PTPRN2: variants seen among roughly 807,000 people sequenced by gnomAD.
The protein encoded by PTPRN2 is receptor-type tyrosine-protein phosphatase N2.
PTPRN2 carries 74 observed loss-of-function variants against 118.8 expected under a neutral mutation model. That is an observed-to-expected ratio of 0.62 (90% CI 0.52 to 0.76). PTPRN2 has a LOEUF of 0.76. Among genes scored for constraint, PTPRN2 ranks in the 30% least tolerant of loss-of-function variants. The pLI is 0.00. For missense variants in PTPRN2, 1,481 were observed against 1,394.4 expected (o/e 1.06, Z -0.99); for synonymous variants, 641 against 608.0 (o/e 1.05, Z -0.80).
intron 12 of PTPRN2, among the ~76,000 whole-genome samples, chr7:157,774,541 A>C (rs1348639479): frequency 6.6e-6 from 1 of 152,260 alleles, no homozygotes; most frequent in Non-Finnish European, 1.5e-5. Context: ...CTCTGCACGC[A>C]GTTCATAATC....
chr7:157,879,988 T>G (rs1227433458), intron 12 of PTPRN2, among the ~76,000 whole-genome samples: 1 of 152,240 alleles, frequency 6.6e-6, no homozygotes, highest in Non-Finnish European at 1.5e-5. Context: ...CTAATTTTTA[T>G]GAAAATTTGG....
rs377260127 is a variant in PTPRN2, at chr7:157,833,502, C to T, written c.1788+65171G>A. 5.2e-5 allele frequency among the ~76,000 whole-genome samples: 7 copies of T among 134,722 alleles called. No individual in the cohort carries two copies. In the South Asian group the frequency reaches 1.0e-3, roughly 19 times the overall value. 88.4% of individuals were successfully genotyped at this position (134,722 alleles called of 152,430 possible). On this transcript the variant is annotated intron_variant, in intron 12 of 22. Coordinates refer to ENST00000389418, the MANE Select transcript of PTPRN2 (RefSeq NM_002847.5). ...GTAAACTCGTCCAGGAAGTATGCGA[C>T]GTGGCCGGCGCCCATCCATCCTGTA...
At chr7:158,045,678 T>A in intron 11 of PTPRN2, among the ~76,000 whole-genome samples, 1 of 152,238 alleles carries the variant, frequency 6.6e-6, no homozygotes. Context: ...AGCTAGTCAG[T>A]GAGAGACCCA....
intron 12 of PTPRN2, among the ~76,000 whole-genome samples, chr7:157,769,521 GCCA>G (rs1802675839): frequency 1.3e-5 from 2 of 152,184 alleles, no homozygotes; most frequent in Non-Finnish European, 2.9e-5. Flanking sequence ...TTGGAATTCA[GCCA>G]CCACAACTCC....
chr7:158,587,206 G>C (rs1222230067), intron 1 of PTPRN2, among the ~76,000 whole-genome samples: 1 of 120,542 alleles, frequency 8.3e-6, no homozygotes, highest in South Asian at 2.9e-4. Flanking sequence ...ATTCATTGAG[G>C]CGCCCCTTCC....
At chr7:158,070,022 C>A (rs1811082529) in intron 11 of PTPRN2, among the ~76,000 whole-genome samples, 1 of 152,222 alleles carries the variant, frequency 6.6e-6, no homozygotes, top group Admixed American at 6.5e-5. Flanking sequence ...GTTCTAAACT[C>A]CAAGCTCTTG....
chr7:157,562,838 C>T (rs12538360), intron 21 of PTPRN2, among the ~76,000 whole-genome samples: 3,132 of 132,600 alleles, frequency 0.024, 144 homozygotes, highest in East Asian at 0.11. Context: ...CGTCACCACA[C>T]GCAGCAGATC....
At position 157,663,493 on chromosome 7, in the gene PTPRN2, G is replaced by C. The variant is rs78236771; in HGVS notation, c.2002-6942C>G. 0.01 allele frequency among the ~76,000 whole-genome samples: 1,592 copies of C among 152,332 alleles called. 62 individuals are homozygous for C. In the South Asian group the frequency reaches 0.11, roughly 10 times the overall value. On this transcript the variant is annotated intron_variant, in intron 13 of 22. Coordinates refer to ENST00000389418, the MANE Select transcript of PTPRN2 (RefSeq NM_002847.5). ...TGCTGCGCTCACGGGGAACGGGGTC[G>C]GGCCAGCTCCCTCCAAGGACGGGGG...
In PTPRN2 at chr7:157,845,967, C is replaced by T. The variant is rs75102535; in HGVS notation, c.1788+52706G>A. ...CTGAACTCAGGGCAGAAAACAGTTT[C>T]CTCAAATCCTTTCCTCAAACAACAC... On this transcript the variant is annotated intron_variant, in intron 12 of 22. Coordinates refer to ENST00000389418, the MANE Select transcript of PTPRN2 (RefSeq NM_002847.5). The surrounding 1 kb of genome is among the most constrained non-coding windows in gnomAD (Gnocchi z 4.5). Among the ~76,000 whole-genome samples, 188 of 152,334 alleles carry T rather than the reference C, an allele frequency of 1.2e-3. 1 individual carries two copies. Among genetic ancestry groups the T allele is most frequent in the African/African-American group, 4.3e-3 (180 of 41,588 alleles).
At chr7:157,570,844 C>T (rs1015002514) in intron 20 of PTPRN2, among the ~76,000 whole-genome samples, 2 of 152,104 alleles carry the variant, frequency 1.3e-5, no homozygotes, top group Non-Finnish European at 2.9e-5. Context: ...ACCATTGTCT[C>T]GATGTTTCTG....
intron 11 of PTPRN2, among the ~76,000 whole-genome samples, chr7:158,035,647 T>A (rs1049838371): frequency 1.7e-4 from 26 of 152,354 alleles, no homozygotes; most frequent in Middle Eastern, 3.4e-3. Context: ...TTTCTCAGGC[T>A]CTGGATGAAA....
At chr7:157,911,478 C>A (rs1051063019) in intron 11 of PTPRN2, among the ~76,000 whole-genome samples, 2 of 152,190 alleles carry the variant, frequency 1.3e-5, no homozygotes, top group African/African-American at 4.8e-5. Flanking sequence ...TGATTCCTCT[C>A]ACCAACTCAG....
In PTPRN2 at chr7:157,874,513, T is replaced by G. The variant is rs1795591439; in HGVS notation, c.1788+24160A>C. Among the ~76,000 whole-genome samples the G allele has an allele frequency of 6.6e-6, 1 of 152,190 alleles. No homozygotes were observed. The highest frequency in any genetic ancestry group is 6.5e-5 in the Admixed American group (1 of 15,278). On this transcript the variant is annotated intron_variant, in intron 12 of 22. Coordinates refer to ENST00000389418, the MANE Select transcript of PTPRN2 (RefSeq NM_002847.5). The surrounding 1 kb of genome is among the most constrained non-coding windows in gnomAD (Gnocchi z 5.8). ...GTTCACAAGGAAGTTCATGTCCCCC[T>G]TAACTCGAGCTTTTATTTCAGTGAA...
Position 157,590,901 on chromosome 7 carries a change from C to T in PTPRN2, c.2496+4337G>A, listed in dbSNP as rs1207127122. 2.0e-5 allele frequency among the ~76,000 whole-genome samples: 3 copies of T among 152,124 alleles called. No individual in the cohort carries two copies. The highest frequency in any genetic ancestry group is 7.2e-5 in the African/African-American group (3 of 41,430). On this transcript the variant is annotated intron_variant, in intron 17 of 22. Transcript: ENST00000389418. This position sits in a 1 kb window ranked among gnomAD's most constrained non-coding sequence, Gnocchi z 4.0. Reference sequence around the variant, plus strand: ...GACCCATCACCATGTCATGTGGGTGCCAATTAGCTGCTTGGAAAAGGTCTT... The same window carrying T: ...GACCCATCACCATGTCATGTGGGTGTCAATTAGCTGCTTGGAAAAGGTCTT...
At chr7:157,887,572 C>T (rs149835081) in intron 12 of PTPRN2, among the ~76,000 whole-genome samples, 494 of 13,000 alleles carry the variant, frequency 0.038, 28 homozygotes, top group Admixed American at 0.056. Flanking sequence ...AGTACATGGT[C>T]CCCCAGTGCC....
intron 2 of PTPRN2, among the ~76,000 whole-genome samples, chr7:158,450,293 C>T (rs1295982359): frequency 6.6e-6 from 1 of 152,270 alleles, no homozygotes; most frequent in South Asian, 2.1e-4. Context: ...GCCTTCTACA[C>T]ACTGAGTTCA....
chr7:157,640,640 C>A (rs139829399), intron 14 of PTPRN2, among the ~76,000 whole-genome samples: 2,423 of 152,220 alleles, frequency 0.016, 43 homozygotes, highest in Middle Eastern at 0.027. Context: ...CAGGAAGGAG[C>A]GGCCCACAAA....
intron 5 of PTPRN2, among the ~76,000 whole-genome samples, chr7:158,187,240 T>C (rs148864794): frequency 6.4e-4 from 97 of 152,380 alleles, no homozygotes; most frequent in South Asian, 1.2e-3. Context: ...AATTCTGTTA[T>C]GACGTCACCA....
At chr7:158,337,219 C>T (rs1399340442) in intron 2 of PTPRN2, among the ~76,000 whole-genome samples, 3 of 152,032 alleles carry the variant, frequency 2.0e-5, no homozygotes, top group South Asian at 2.1e-4. Context: ...CACTTGCAGA[C>T]GTCACTAACA....
Sources: gnomAD v4.1 joint callset for allele counts (sites outside exome capture counted in the v4.1 genomes callset) on GRCh38, gnomAD v4.1.1 for gene constraint, Gnocchi (gnomAD v3.1) non-coding constraint, MANE v1.5 for transcripts, NCBI Gene and HGNC (gene_info 2026-07-23, HGNC 2026-07-21) for gene names.